The following SLC25A38 variants were observed in gnomAD, a reference collection of about 807,000 sequenced individuals.
SLC25A38 encodes solute carrier family 25 member 38.
A neutral mutation model predicts 33.4 loss-of-function variants in SLC25A38; 27 were observed. The ratio of observed to expected loss-of-function variants is 0.81; its 90% CI spans 0.60 to 1.11. SLC25A38 has a LOEUF of 1.11. Ranked by LOEUF, SLC25A38 falls within the 50% of genes most tolerant of loss-of-function variation. The pLI is 0.00. For synonymous variants in SLC25A38, 123 were observed against 145.9 expected (o/e 0.84, Z 1.13); for missense variants, 344 against 388.8 (o/e 0.88, Z 0.97).
chr3:39,388,860 A>G (rs1435841822), intron 1 of SLC25A38, among the ~76,000 whole-genome samples: 2 of 152,176 alleles, frequency 1.3e-5, no homozygotes, highest in African/African-American at 2.4e-5. Context: ...TGGTGTCTGT[A>G]GATTAGCCAG....
chr3:39,383,695 G>C lies in SLC25A38; in HGVS notation c.-30G>C. The stretch of plus-strand genomic sequence containing the variant: ...CCAAGCGCCCGTCGACGGCACCCTG[G>C]GCCCAGAGGACTCGCGGGCCTCATC... On this transcript the variant is annotated 5_prime_UTR_variant, in exon 1 of 7. Transcript: ENST00000650617. The C allele has an allele frequency of 6.2e-7, 1 of 1,613,786 alleles. No homozygotes were observed. Among genetic ancestry groups the C allele is most frequent in the Non-Finnish European group, 8.5e-7 (1 of 1,179,792 alleles).
chr3:39,391,708 G>T (rs954302337), intron 4 of SLC25A38, 88 bp downstream of exon 4: 2 of 1,605,272 alleles, frequency 1.2e-6, no homozygotes, highest in Non-Finnish European at 1.7e-6. Flanking sequence ...CTCCTGATTT[G>T]TAATCTAACA....
At chr3:39,396,083 G>A (rs902298323) in intron 6 of SLC25A38, among the ~76,000 whole-genome samples, 3 of 151,848 alleles carry the variant, frequency 2.0e-5, no homozygotes, top group Non-Finnish European at 4.4e-5. Context: ...GGTGGTGGGC[G>A]CCTGTAGTCC....
chr3:39,383,855 C>A, intron 1 of SLC25A38, 62 bp downstream of exon 1: 1 of 1,583,852 alleles, frequency 6.3e-7, no homozygotes, highest in Non-Finnish European at 8.7e-7. Context: ...CCGGAGAATT[C>A]GGGGCGTTGC....
chr3:39,389,606 T>G lies in SLC25A38; in HGVS notation c.181T>G (p.Ser61Ala). 6.2e-7 allele frequency: 1 copy of G among 1,614,148 alleles called. No homozygotes were observed. The highest frequency in any genetic ancestry group is 1.1e-5 in the South Asian group (1 of 91,070). ...LKTRLQTLQP[S>A]DHGSRRVGML... ...AACACGCCTGCAAACCCTCCAGCCC[T>G]CAGATCATGGGTAGGCCCTGCATTT... Residue 61 changes from serine to alanine, a missense_variant, in exon 2 of 7, where the codon TCA (serine) becomes GCA (alanine). Physicochemically the swap from Ser to Ala is moderately conservative, Grantham distance 99 (BLOSUM62 1). This residue lies in a region of SLC25A38 where 269 missense variants were observed against 271.8 expected (regional missense o/e 0.99). Transcript: ENST00000650617. This position sits in a 1 kb window ranked among gnomAD's most constrained non-coding sequence, Gnocchi z 4.5.
chr3:39,396,496 G>C lies in SLC25A38; in HGVS notation c.891G>C (p.Met297Ile), dbSNP rs529773939. The C allele has an allele frequency of 6.2e-7, 1 of 1,614,096 alleles. No individual in the cohort carries two copies. Among genetic ancestry groups the C allele is most frequent in the South Asian group, 1.1e-5 (1 of 91,076 alleles). The change falls in exon 7 of 7, where the codon ATG (methionine) becomes ATC (isoleucine). Residue 297 changes from methionine (M) to isoleucine (I), a missense_variant. Transcript: ENST00000650617. ...CGTGGACGGTGTATGAAGAGATGAT[G>C]GCCAAGATGGGCCTGAAGTCCTGAC... is the stretch of plus-strand genomic sequence containing the variant. ...AMAWTVYEEM[M>I]AKMGLKS
Position 39,389,171 on chromosome 3 carries a change from G to A in SLC25A38, c.70-324G>A, listed in dbSNP as rs1042613682. 6.6e-6 allele frequency among the ~76,000 whole-genome samples: 1 copy of A among 152,208 alleles called. No individual in the cohort carries two copies. The highest frequency in any genetic ancestry group is 2.4e-5 in the African/African-American group (1 of 41,448). On this transcript the variant is annotated intron_variant, in intron 1 of 6. Transcript: ENST00000650617. The surrounding 1 kb of genome is among the most constrained non-coding windows in gnomAD (Gnocchi z 4.5). ...ATTGACTTTGCTTTTGCAAAGATAG[G>A]GAGATGACCAGTAACTTTTTGAGTC...
chr3:39,393,213 G>C (rs34719646), intron 5 of SLC25A38, among the ~76,000 whole-genome samples: 19,252 of 152,170 alleles, frequency 0.13, 1,410 homozygotes, highest in Middle Eastern at 0.18. Context: ...TTAAGCCTGG[G>C]AGGTGGAGGT....
At chr3:39,390,725 A>G (rs34659419) in intron 3 of SLC25A38, among the ~76,000 whole-genome samples, 42 of 152,206 alleles carry the variant, frequency 2.8e-4, no homozygotes, top group African/African-American at 8.7e-4. Context: ...AGTGCAGCAT[A>G]GTCTCTACAG....
Position 39,383,538 on chromosome 3 carries a change from C to G in SLC25A38, c.-187C>G, listed in dbSNP as rs2041670792. The G allele has an allele frequency of 1.6e-6, 1 of 633,250 alleles. No individual in the cohort carries two copies. Among genetic ancestry groups the G allele is most frequent in the Non-Finnish European group, 2.8e-6 (1 of 354,772 alleles). The allele number at this position is 633,250 out of a possible 1,614,324, so 39.2% of individuals were successfully genotyped here. Reference sequence around the variant, plus strand: ...AGCAAGATTGTTCCGCGCCCGCAGCCCCTGGACTAGCAGGATCCGAACCCC... The same window carrying G: ...AGCAAGATTGTTCCGCGCCCGCAGCGCCTGGACTAGCAGGATCCGAACCCC... On this transcript the variant is annotated 5_prime_UTR_variant, in exon 1 of 7. Transcript: ENST00000650617.
intron 3 of SLC25A38, among the ~76,000 whole-genome samples, chr3:39,390,934 C>G (rs769831924): frequency 1.2e-4 from 18 of 152,194 alleles, no homozygotes; most frequent in Non-Finnish European, 2.4e-4. Context: ...CAGTAATGTA[C>G]TTCAGAGTAA....
chr3:39,393,408 TTTTAAC>T (rs1317817374), intron 5 of SLC25A38, among the ~76,000 whole-genome samples: 39 of 152,364 alleles, frequency 2.6e-4, no homozygotes, highest in South Asian at 1.0e-3. Flanking sequence ...CATGATGCCC[TTTTAAC>T]TTTAAGTACC....
chr3:39,387,611 G>A (rs546634507), intron 1 of SLC25A38, among the ~76,000 whole-genome samples: 1 of 152,336 alleles, frequency 6.6e-6, no homozygotes, highest in East Asian at 1.9e-4. Context: ...TTTTGGACAT[G>A]TTGAATTTGA....
chr3:39,391,984 G>T lies in SLC25A38; in HGVS notation c.588G>T (p.Leu196=), dbSNP rs1267339963. The T allele has an allele frequency of 1.2e-6, 2 of 1,614,116 alleles. No individual in the cohort carries two copies. Among genetic ancestry groups the T allele is most frequent in the Non-Finnish European group, 1.7e-6 (2 of 1,180,052 alleles). The part of the protein sequence containing the change: ...LRDAPFSGIY[L]MFYNQTKNIV... ...ATGCGCCCTTCTCAGGAATCTACCT[G>T]ATGTTTTACAACCAGACCAAAAATA... Residue 196 remains leucine (L), a synonymous_variant, in exon 5 of 7, where the codon CTG becomes CTT. Transcript: ENST00000650617.
At position 39,394,582 on chromosome 3, in the gene SLC25A38, A is replaced by C; in HGVS notation, c.792+6A>C. 1 of 1,614,162 alleles carries C rather than the reference A, an allele frequency of 6.2e-7. No homozygotes were observed. Among genetic ancestry groups the C allele is most frequent in the Non-Finnish European group, 8.5e-7 (1 of 1,180,000 alleles). ...CAGTGACACTTATTTTCAAAGTAAG[A>C]CTACAAAATAAGTACTGGTTCTTGT... On this transcript the variant is annotated splice_donor_region_variant and intron_variant, in intron 6 of 6. Transcript: ENST00000650617.
At chr3:39,383,887 C>A in intron 1 of SLC25A38, 94 bp downstream of exon 1, 2 of 1,410,198 alleles carry the variant, frequency 1.4e-6, no homozygotes, top group Non-Finnish European at 2.0e-6. Context: ...TACCCTTTTC[C>A]GCGCCCCAGG....
intron 5 of SLC25A38, among the ~76,000 whole-genome samples, chr3:39,393,013 G>A (rs1358343713): frequency 2.0e-5 from 3 of 152,182 alleles, no homozygotes; most frequent in Non-Finnish European, 4.4e-5. Context: ...GGCCTGGTGC[G>A]ATGGCTTATG....
At chr3:39,390,972 G>A (rs2041759766) in intron 3 of SLC25A38, among the ~76,000 whole-genome samples, 2 of 152,148 alleles carry the variant, frequency 1.3e-5, no homozygotes, top group Non-Finnish European at 2.9e-5. Context: ...AAGAGTATAG[G>A]CCAGTTATAT....
chr3:39,395,679 G>GT (rs2041819910), intron 6 of SLC25A38, among the ~76,000 whole-genome samples: 1 of 151,824 alleles, frequency 6.6e-6, no homozygotes, highest in African/African-American at 2.4e-5. Context: ...AGCATACAGT[G>GT]AATTACAAAA....
Sources: allele counts gnomAD v4.1 joint callset (sites outside exome capture counted in the v4.1 genomes callset), GRCh38; gene constraint gnomAD v4.1.1; regional missense constraint gnomAD v4.1.1; non-coding constraint Gnocchi (gnomAD v3.1); transcripts MANE v1.5; gene names NCBI Gene and HGNC (gene_info 2026-07-23, HGNC 2026-07-21).